The following TMEM232 variants were observed in gnomAD, a reference collection of about 807,000 sequenced individuals.
TMEM232 encodes the protein transmembrane protein 232.
Under a neutral mutation model 78.8 loss-of-function variants are expected in TMEM232, and 80 were observed. The observed-to-expected ratio is 1.01, with a 90% CI of 0.85 to 1.22. The LOEUF is 1.22. TMEM232 is among the 50% of genes most tolerant of loss of function. TMEM232 has a pLI of 0.00. For missense variants in TMEM232, 881 were observed against 742.2 expected, an observed-to-expected ratio of 1.19 and a Z score of -2.17; for synonymous variants, 297 against 254.3, an observed-to-expected ratio of 1.17 and a Z score of -1.60.
At chr5:110,411,966 G>T (rs762998624) in intron 2 of TMEM232, among the ~76,000 whole-genome samples, 18 of 152,174 alleles carry the variant, frequency 1.2e-4, no homozygotes, top group African/African-American at 1.7e-4. Context: ...ATGAGGGAAA[G>T]AATAAAATGC....
chr5:110,509,681 CA>C (rs1171783020), intron 12 of TMEM232, among the ~76,000 whole-genome samples: 2 of 151,912 alleles, frequency 1.3e-5, no homozygotes, highest in Admixed American at 1.3e-4. Flanking sequence ...AAACAATTTA[CA>C]AAAATGTTTT....
intron 10 of TMEM232, among the ~76,000 whole-genome samples, chr5:110,604,053 C>G (rs943911982): frequency 1.8e-4 from 28 of 152,072 alleles, no homozygotes; most frequent in African/African-American, 5.8e-4. Flanking sequence ...TATAAATCCA[C>G]TATCATAATT....
At chr5:110,522,274 C>T (rs969402448) in intron 12 of TMEM232, among the ~76,000 whole-genome samples, 1 of 152,086 alleles carries the variant, frequency 6.6e-6, no homozygotes, top group Non-Finnish European at 1.5e-5. Flanking sequence ...GACTCTGTAT[C>T]CTGCAACTTT....
intron 11 of TMEM232, among the ~76,000 whole-genome samples, chr5:110,537,155 C>T (rs1232091071): frequency 6.6e-6 from 1 of 152,150 alleles, no homozygotes; most frequent in Admixed American, 6.5e-5. Flanking sequence ...CTATGGGCAA[C>T]TCTTCATCTA....
chr5:110,573,036 T>C (rs573376034), intron 10 of TMEM232, among the ~76,000 whole-genome samples: 38 of 152,172 alleles, frequency 2.5e-4, no homozygotes, highest in Non-Finnish European at 3.7e-4. Context: ...AATATGTCTG[T>C]GTCTGCAGCT....
intron 1 of TMEM232, among the ~76,000 whole-genome samples, chr5:110,702,068 C>A (rs1445985121): frequency 6.6e-6 from 1 of 151,934 alleles, no homozygotes; most frequent in Non-Finnish European, 1.5e-5. Flanking sequence ...GCTGGATCTC[C>A]AATTTTACTC....
At chr5:110,624,571 C>G (rs1450208411) in intron 7 of TMEM232, among the ~76,000 whole-genome samples, 1 of 152,114 alleles carries the variant, frequency 6.6e-6, no homozygotes, top group African/African-American at 2.4e-5. Context: ...AAACAGATCC[C>G]TTTCTCACAT....
At chr5:110,391,291 ATGTGTG>A (rs369913835) in intron 3 of TMEM232, among the ~76,000 whole-genome samples, 316 of 130,662 alleles carry the variant, frequency 2.4e-3, no homozygotes, top group African/African-American at 9.0e-3. Flanking sequence ...TCCCGTTTGA[ATGTGTG>A]TGTGTGTGTG....
Position 110,605,253 on chromosome 5 carries a change from G to A in TMEM232, c.1132C>T (p.Arg378Ter), listed in dbSNP as rs573828833. 1.3e-4 allele frequency: 206 copies of A among 1,550,942 alleles called. No homozygotes were observed. The highest frequency in any genetic ancestry group is 1.6e-4 in the Non-Finnish European group (186 of 1,146,686). ...ICLYAATSDLRKTALIGFCHC... is the reference protein window; with the variant it reads ...ICLYAATSDL ...CAGAAACCAATTAAAGCAGTTTTTC[G>A]CAAATCAGAAGTGGCTGCATACAAG... The change falls in exon 10 of 14, where the codon CGA (arginine) becomes TGA (stop). Residue 378 changes from arginine (R) to a stop codon, truncating the protein, a stop_gained. Transcript: ENST00000455884. LOFTEE classifies it high-confidence loss of function.
At position 110,533,078 on chromosome 5, in the gene TMEM232, TTCTTAA is replaced by T. The variant is rs530226378; in HGVS notation, c.1456-4249_1456-4244del. On this transcript the variant is annotated intron_variant, in intron 11 of 13. Coordinates refer to ENST00000455884, the MANE Select transcript of TMEM232 (RefSeq NM_001039763.4). ...CCTTCCTCCACAACCCACTATTCCG[TTCTTAA>T]TCTTAAAGATGCTTTTTTCACTATT... Among the ~76,000 whole-genome samples, 48 of 152,244 alleles carry T rather than the reference TTCTTAA, an allele frequency of 3.2e-4. 1 individual carries two copies. The East Asian group carries it at 8.1e-3, about 26-fold the overall frequency.
chr5:110,503,182 T>C (rs1766463665), intron 12 of TMEM232, among the ~76,000 whole-genome samples: 1 of 152,222 alleles, frequency 6.6e-6, no homozygotes, highest in South Asian at 2.1e-4. Flanking sequence ...GTCTCCAATG[T>C]CAATTTGTTT....
At chr5:110,688,715 A>AC (rs933691290) in intron 1 of TMEM232, among the ~76,000 whole-genome samples, 2 of 152,146 alleles carry the variant, frequency 1.3e-5, no homozygotes, top group African/African-American at 2.4e-5. Flanking sequence ...AAATTTTGGG[A>AC]CCCCAAACTC....
At chr5:110,726,159 C>T (rs974358154) in intron 1 of TMEM232, among the ~76,000 whole-genome samples, 2 of 75,844 alleles carry the variant, frequency 2.6e-5, no homozygotes, top group Non-Finnish European at 5.4e-5. Context: ...AATTTTTGAA[C>T]CTTCTCTTTT....
intron 1 of TMEM232, among the ~76,000 whole-genome samples, chr5:110,690,696 T>A (rs756801600): frequency 6.6e-6 from 1 of 152,208 alleles, no homozygotes; most frequent in African/African-American, 2.4e-5. Context: ...GCAGCACTAT[T>A]CACAGTAGCA....
intron 2 of TMEM232, among the ~76,000 whole-genome samples, chr5:110,412,543 T>C (rs1384293809): frequency 6.7e-6 from 1 of 149,796 alleles, no homozygotes; most frequent in Non-Finnish European, 1.5e-5. Context: ...ATTAACTCCA[T>C]AGTTGCAAAG....
At chr5:110,454,912 TAA>T (rs61425796) in intron 12 of TMEM232, among the ~76,000 whole-genome samples, 32 of 144,972 alleles carry the variant, frequency 2.2e-4, no homozygotes, top group Non-Finnish European at 2.7e-4. Context: ...TCGTAAAGAT[TAA>T]AAAAAAAAAA....
At chr5:110,730,574 C>G (rs1274488877), upstream of TMEM232, among the ~76,000 whole-genome samples, 4 of 152,076 alleles carry the variant, frequency 2.6e-5, no homozygotes, top group African/African-American at 9.7e-5. Context: ...CTAGGGAGGC[C>G]TCAGAATCAT....
intron 1 of TMEM232, among the ~76,000 whole-genome samples, chr5:110,688,551 C>G (rs939908204): frequency 1.3e-5 from 2 of 152,178 alleles, no homozygotes; most frequent in African/African-American, 4.8e-5. Flanking sequence ...GACCCCACAG[C>G]TTAGTAGAGG....
At chr5:110,670,251 A>C (rs1425408063) in intron 1 of TMEM232, among the ~76,000 whole-genome samples, 2 of 152,202 alleles carry the variant, frequency 1.3e-5, no homozygotes, top group African/African-American at 4.8e-5. Context: ...TCAGCCCAAA[A>C]TCTCCTTAAG....
Sources: gnomAD v4.1 joint callset for allele counts (sites outside exome capture counted in the v4.1 genomes callset) on GRCh38, gnomAD v4.1.1 for gene constraint, MANE v1.5 for transcripts, NCBI Gene and HGNC (gene_info 2026-07-23, HGNC 2026-07-21) for gene names.